The following ENAH variants were observed in gnomAD, a reference collection of about 807,000 sequenced individuals.
The protein encoded by ENAH is protein enabled homolog.
ENAH carries 23 observed loss-of-function variants against 78.7 expected under a neutral mutation model. The ratio of observed to expected loss-of-function variants is 0.29; its 90% CI spans 0.21 to 0.41. The LOEUF (loss-of-function observed/expected upper bound fraction) is 0.41. Ranked by LOEUF, ENAH falls within the 10% of genes least tolerant of loss-of-function variation. The pLI is 1.00. For synonymous variants in ENAH, 226 were observed against 241.0 expected, an observed-to-expected ratio of 0.94 and a Z score of 0.58; for missense variants, 544 against 691.0, an observed-to-expected ratio of 0.79 and a Z score of 2.39.
intron 6 of ENAH, among the ~76,000 whole-genome samples, chr1:225,515,777 A>C (rs1194471490): frequency 6.6e-6 from 1 of 152,182 alleles, no homozygotes; most frequent in Non-Finnish European, 1.5e-5. Flanking sequence ...ACAAGCAGAA[A>C]ACATCAATTG....
chr1:225,580,294 G>C (rs757100592), intron 1 of ENAH: 1 of 151,924 alleles, frequency 6.6e-6, no homozygotes, highest in East Asian at 1.9e-4. Context: ...AGGCCCACAC[G>C]AGACAATTAT....
chr1:225,578,917 T>C (rs2096801059), intron 1 of ENAH, among the ~76,000 whole-genome samples: 1 of 152,194 alleles, frequency 6.6e-6, no homozygotes, highest in African/African-American at 2.4e-5. Flanking sequence ...CATAAGCAGT[T>C]ACTGAGCCAG....
intron 1 of ENAH, among the ~76,000 whole-genome samples, chr1:225,632,981 A>G (rs1016748022): frequency 2.6e-5 from 4 of 152,224 alleles, no homozygotes; most frequent in African/African-American, 9.6e-5. Flanking sequence ...ACTGGAAGAC[A>G]TAATGTACAG....
At chr1:225,556,939 G>A (rs2096670063) in intron 2 of ENAH, among the ~76,000 whole-genome samples, 1 of 152,122 alleles carries the variant, frequency 6.6e-6, no homozygotes, top group Admixed American at 6.5e-5. Context: ...TGTGCTGCAG[G>A]TTTGCCTGCA....
intron 1 of ENAH, among the ~76,000 whole-genome samples, chr1:225,585,716 G>A (rs2096842810): frequency 6.6e-6 from 1 of 152,188 alleles, no homozygotes; most frequent in Non-Finnish European, 1.5e-5. Context: ...TTGAGCCCAG[G>A]AGGCTGAGGC....
At chr1:225,504,107 A>T (rs1267181993) in intron 11 of ENAH, among the ~76,000 whole-genome samples, 2 of 151,910 alleles carry the variant, frequency 1.3e-5, no homozygotes, top group Non-Finnish European at 2.9e-5. Flanking sequence ...CCTATGCACA[A>T]GATATCCTCC....
intron 1 of ENAH, among the ~76,000 whole-genome samples, chr1:225,575,860 A>C (rs549715755): frequency 6.6e-6 from 1 of 152,348 alleles, no homozygotes; most frequent in South Asian, 2.1e-4. Flanking sequence ...AGAGATACTA[A>C]GTATAAAAAG....
intron 3 of ENAH, among the ~76,000 whole-genome samples, chr1:225,544,941 A>G (rs1213445241): frequency 6.6e-6 from 1 of 152,222 alleles, no homozygotes; most frequent in Non-Finnish European, 1.5e-5. Context: ...GATGGTGGTT[A>G]CAAAGCTAAT....
chr1:225,631,814 T>C (rs1408881274), intron 1 of ENAH, among the ~76,000 whole-genome samples: 1 of 152,120 alleles, frequency 6.6e-6, no homozygotes, highest in Non-Finnish European at 1.5e-5. Flanking sequence ...TTTTGTTTTG[T>C]TTTTTTAATC....
chr1:225,636,384 T>C (rs1210959564), intron 1 of ENAH, among the ~76,000 whole-genome samples: 1 of 152,168 alleles, frequency 6.6e-6, no homozygotes, highest in Non-Finnish European at 1.5e-5. Context: ...TAAAACCAAA[T>C]ATATTTGATG....
At chr1:225,608,220 G>GAAAAAAAAAA (rs60998592) in intron 1 of ENAH, among the ~76,000 whole-genome samples, 60 of 91,222 alleles carry the variant, frequency 6.6e-4, no homozygotes, top group Middle Eastern at 6.2e-3. Flanking sequence ...ATAAAAAACA[G>GAAAAAAAAAA]AAAAAAAAAA....
chr1:225,589,052 C>T (rs2096862414), intron 1 of ENAH, among the ~76,000 whole-genome samples: 1 of 151,932 alleles, frequency 6.6e-6, no homozygotes, highest in Non-Finnish European at 1.5e-5. Context: ...GTGAAGAAAG[C>T]CTTACACAAG....
chr1:225,533,648 T>C (rs1400571875), intron 3 of ENAH, among the ~76,000 whole-genome samples: 1 of 152,162 alleles, frequency 6.6e-6, no homozygotes, highest in Admixed American at 6.5e-5. Context: ...TAGCAAAGTC[T>C]GTGAGTTACT....
chr1:225,549,775 C>T (rs185111960), intron 3 of ENAH, among the ~76,000 whole-genome samples: 5 of 152,290 alleles, frequency 3.3e-5, no homozygotes, highest in Admixed American at 3.3e-4. Context: ...AGAACACTGC[C>T]GTGGCAGGTA....
chr1:225,520,615 T>A (rs768720027), intron 4 of ENAH, among the ~76,000 whole-genome samples: 10 of 152,134 alleles, frequency 6.6e-5, no homozygotes, highest in Admixed American at 2.0e-4. Context: ...CCTAGCACTT[T>A]GGGAGGCTGA....
intron 1 of ENAH, among the ~76,000 whole-genome samples, chr1:225,596,745 A>T (rs767153273): frequency 2.0e-5 from 3 of 152,336 alleles, no homozygotes; most frequent in Non-Finnish European, 2.9e-5. Context: ...TTGATTTTAC[A>T]GATAGCCACA....
rs55973162 is a variant in ENAH at position 225,632,497 on chromosome 1, CA to C, written c.5+20188del. Among the ~76,000 whole-genome samples, 760 of 102,418 alleles carry C rather than the reference CA, an allele frequency of 7.4e-3. 8 individuals are homozygous for C. The highest frequency in any genetic ancestry group is 0.023 in the African/African-American group (536 of 23,692). The allele number at this position is 102,418 out of a possible 152,430, so 67.2% of individuals were successfully genotyped here. A position where few individuals can be genotyped will look rare whatever the true frequency, so the allele number is the denominator to read the frequency against. ...TGGGTGACACAGCGAGACTCCGTCT[CA>C]AAAAAAAAAAAAAAAAGTGGTTCTC... On this transcript the variant is annotated intron_variant, in intron 1 of 13. Coordinates refer to ENST00000366843, the MANE Select transcript of ENAH (RefSeq NM_018212.6).
chr1:225,615,176 G>C (rs1383315447), intron 1 of ENAH, among the ~76,000 whole-genome samples: 1 of 152,142 alleles, frequency 6.6e-6, no homozygotes, highest in Admixed American at 6.5e-5. Context: ...CGGAGTGCCT[G>C]GGATTGCAGG....
intron 1 of ENAH, among the ~76,000 whole-genome samples, chr1:225,604,031 G>GT (rs1361525753): frequency 6.6e-6 from 1 of 152,110 alleles, no homozygotes; most frequent in Non-Finnish European, 1.5e-5. Context: ...AAAACTTTTT[G>GT]TGAGTGCTAT....
Sources: allele counts gnomAD v4.1 joint callset (sites outside exome capture counted in the v4.1 genomes callset), GRCh38; gene constraint gnomAD v4.1.1; transcripts MANE v1.5; gene names NCBI Gene and HGNC (gene_info 2026-07-23, HGNC 2026-07-21).